GLI3: variants seen among roughly 807,000 people sequenced by gnomAD.
The protein encoded by GLI3 is GLI family zinc finger 3.
Under a neutral mutation model 100.8 loss-of-function variants are expected in GLI3, and 20 were observed. The observed-to-expected ratio is 0.20, with a 90% CI of 0.14 to 0.29. The LOEUF is 0.29. GLI3 is among the 10% of genes least tolerant of loss of function. The pLI, the probability that GLI3 is intolerant of heterozygous loss-of-function variation, is 1.00. For missense variants in GLI3, 2,040 were observed against 2,128.5 expected, an observed-to-expected ratio of 0.96 and a Z score of 0.82; for synonymous variants, 938 against 860.5, an observed-to-expected ratio of 1.09 and a Z score of -1.58.
At chr7:42,202,943 T>C (rs1208314593) in intron 2 of GLI3, among the ~76,000 whole-genome samples, 2 of 152,180 alleles carry the variant, frequency 1.3e-5, no homozygotes, top group Non-Finnish European at 2.9e-5. Flanking sequence ...ATTCTTCTAT[T>C]CATATCAGCC....
chr7:42,148,284 C>T lies in GLI3; in HGVS notation c.309G>A (p.Pro103=), dbSNP rs144649445. ...CCATGGCAAACACCGTCCCGCGGTACGGCACAGAGGGCTCCGCCACGTGTG... is the reference window on the plus strand; with the variant it reads ...CCATGGCAAACACCGTCCCGCGGTATGGCACAGAGGGCTCCGCCACGTGTG... The part of the protein sequence containing the change: ...SLPHVAEPSV[P]YRGTVFAMDP... The change falls in exon 3 of 15, where the codon CCG becomes CCA. Residue 103 remains proline (P), a synonymous_variant. Coordinates refer to ENST00000395925, the MANE Select transcript of GLI3 (RefSeq NM_000168.6). The T allele has an allele frequency of 5.7e-5, 92 of 1,613,048 alleles. No homozygotes were observed. The highest frequency in any genetic ancestry group is 1.6e-4 in the Middle Eastern group (1 of 6,084).
chr7:42,067,422 T>C (rs140242434), intron 4 of GLI3, among the ~76,000 whole-genome samples: 9 of 152,346 alleles, frequency 5.9e-5, no homozygotes, highest in Admixed American at 5.9e-4. Flanking sequence ...GTGATTTGTT[T>C]TGCAAATGAG....
chr7:42,150,000 C>G (rs937497959), intron 2 of GLI3: 1 of 152,180 alleles, frequency 6.6e-6, no homozygotes, highest in African/African-American at 2.4e-5. Context: ...GACTTGAAAA[C>G]TAAGCAATAT....
intron 10 of GLI3, among the ~76,000 whole-genome samples, chr7:42,020,889 CAAAAAAAAAAAAAAAAAA>C (rs371389453): frequency 8.8e-6 from 1 of 113,120 alleles, no homozygotes; most frequent in Non-Finnish European, 1.8e-5. Flanking sequence ...GACTCCGTCT[CAAAAAAAAAAAAAAAAAA>C]AAAAAAAAAA....
At chr7:41,979,161 C>T (rs1787587764) in intron 10 of GLI3, among the ~76,000 whole-genome samples, 1 of 152,220 alleles carries the variant, frequency 6.6e-6, no homozygotes, top group Admixed American at 6.5e-5. Flanking sequence ...GAGATGTTCT[C>T]CAACTCTCAC....
chr7:42,168,925 T>C (rs1318016777), intron 2 of GLI3, among the ~76,000 whole-genome samples: 4 of 151,704 alleles, frequency 2.6e-5, no homozygotes, highest in African/African-American at 7.3e-5. Context: ...CTCAAAAAAA[T>C]TAAAAACAAA....
chr7:42,221,332 T>A (rs1358515092), intron 2 of GLI3, among the ~76,000 whole-genome samples: 1 of 152,166 alleles, frequency 6.6e-6, no homozygotes, highest in Non-Finnish European at 1.5e-5. Context: ...TCTGTGGCCA[T>A]GCAGCTGAGA....
At chr7:42,207,322 T>C (rs1562786353) in intron 2 of GLI3, among the ~76,000 whole-genome samples, 1 of 152,234 alleles carries the variant, frequency 6.6e-6, no homozygotes, top group Non-Finnish European at 1.5e-5. Context: ...TCTGTTTACA[T>C]GGTGTGTTCA....
At chr7:41,983,809 G>T (rs1305108921) in intron 10 of GLI3, among the ~76,000 whole-genome samples, 1 of 152,174 alleles carries the variant, frequency 6.6e-6, no homozygotes, top group Non-Finnish European at 1.5e-5. Context: ...CCGACACTGA[G>T]CTTCCCGATG....
chr7:42,117,082 A>G (rs1412023731), intron 3 of GLI3, among the ~76,000 whole-genome samples: 2 of 152,176 alleles, frequency 1.3e-5, no homozygotes, highest in Admixed American at 1.3e-4. Context: ...AGAATTCCCT[A>G]TTTTGTGGGA....
chr7:42,170,287 T>TATATACACACAC (rs1452471645), intron 2 of GLI3, among the ~76,000 whole-genome samples: 3 of 124,006 alleles, frequency 2.4e-5, no homozygotes, highest in African/African-American at 6.1e-5. Flanking sequence ...TATATATATA[T>TATATACACACAC]ACACACACAT....
chr7:42,046,347 A>G (rs1784244008), intron 5 of GLI3, among the ~76,000 whole-genome samples: 1 of 152,218 alleles, frequency 6.6e-6, no homozygotes. Context: ...CATTCAATCA[A>G]TAAAAGTTTT....
chr7:42,235,631 C>A (rs1010894064), intron 1 of GLI3, among the ~76,000 whole-genome samples: 1 of 152,158 alleles, frequency 6.6e-6, no homozygotes, highest in Non-Finnish European at 1.5e-5. Flanking sequence ...GAAAGCCTAA[C>A]TGGAGAGAAG....
chr7:42,116,840 T>C (rs1785871882), intron 3 of GLI3, among the ~76,000 whole-genome samples: 1 of 125,554 alleles, frequency 8.0e-6, no homozygotes, highest in South Asian at 2.1e-4. Context: ...ATAAGAGACC[T>C]CTTATTATGG....
In GLI3 at chr7:42,025,200, G is replaced by T. The variant is rs78554970; in HGVS notation, c.1356+64C>A. ...CACCAGGTCTGGGGAGGAAGCGGGA[G>T]CTGACCCAAAGACACCAGTCTTGGG... On this transcript the variant is annotated intron_variant, in intron 9 of 14. Coordinates refer to ENST00000395925, the MANE Select transcript of GLI3 (RefSeq NM_000168.6). The T allele has an allele frequency of 0.076, 80,265 of 1,060,620 alleles. 3,814 individuals carry two copies. Among genetic ancestry groups the T allele is most frequent in the Non-Finnish European group, 0.094 (64,118 of 680,416 alleles). The allele number at this position is 1,060,620 out of a possible 1,614,324, so 65.7% of individuals were successfully genotyped here.
At chr7:41,976,862 A>G (rs1010621482) in intron 12 of GLI3, among the ~76,000 whole-genome samples, 4 of 152,174 alleles carry the variant, frequency 2.6e-5, no homozygotes, top group Non-Finnish European at 4.4e-5. Flanking sequence ...GTAAGCAATG[A>G]ATTTGGAATA....
At chr7:42,202,819 C>G (rs1382031473) in intron 2 of GLI3, among the ~76,000 whole-genome samples, 1 of 152,188 alleles carries the variant, frequency 6.6e-6, no homozygotes, top group East Asian at 1.9e-4. Context: ...CATAAAACCA[C>G]CACACCAACC....
At chr7:42,207,032 T>A (rs1435600570) in intron 2 of GLI3, among the ~76,000 whole-genome samples, 1 of 152,062 alleles carries the variant, frequency 6.6e-6, no homozygotes, top group Non-Finnish European at 1.5e-5. Context: ...AGGGCTACAG[T>A]GAAAAATACA....
At chr7:42,170,268 A>G (rs200082831) in intron 2 of GLI3, among the ~76,000 whole-genome samples, 5 of 23,504 alleles carry the variant, frequency 2.1e-4, no homozygotes, top group Non-Finnish European at 4.2e-4. Flanking sequence ...AAAAAAAATT[A>G]TATATATATA....
Sources: allele counts gnomAD v4.1 joint callset (sites outside exome capture counted in the v4.1 genomes callset), GRCh38; gene constraint gnomAD v4.1.1; transcripts MANE v1.5; gene names NCBI Gene and HGNC (gene_info 2026-07-23, HGNC 2026-07-21).